Variants in SGMS1 observed in about 807,000 individuals in gnomAD.
SGMS1 encodes the protein phosphatidylcholine:ceramide cholinephosphotransferase 1.
Under a neutral mutation model 46.2 loss-of-function variants are expected in SGMS1, and 13 were observed. The observed-to-expected ratio is 0.28, with a 90% CI of 0.18 to 0.45. The LOEUF (loss-of-function observed/expected upper bound fraction) is 0.45, where lower values mean the gene tolerates loss of function less well. Among genes scored for constraint, SGMS1 ranks in the 20% least tolerant of loss-of-function variants. The pLI is 1.00. For missense variants in SGMS1, 324 were observed against 519.9 expected, an observed-to-expected ratio of 0.62 and a Z score of 3.66; for synonymous variants, 203 against 187.8, an observed-to-expected ratio of 1.08 and a Z score of -0.66.
chr10:50,484,405 A>G (rs1192831630), intron 3 of SGMS1, among the ~76,000 whole-genome samples: 7 of 152,328 alleles, frequency 4.6e-5, no homozygotes, highest in Non-Finnish European at 8.8e-5. Context: ...GCAATAATTA[A>G]TAGCCTAGCA....
intron 2 of SGMS1, among the ~76,000 whole-genome samples, chr10:50,541,811 C>T (rs1838055424): frequency 6.6e-6 from 1 of 152,142 alleles, no homozygotes; most frequent in Admixed American, 6.6e-5. Context: ...GGTTCATGCA[C>T]TTTTAAAAAA....
chr10:50,400,971 G>C (rs1276103782), intron 6 of SGMS1, among the ~76,000 whole-genome samples: 1 of 152,158 alleles, frequency 6.6e-6, no homozygotes, highest in East Asian at 1.9e-4. Flanking sequence ...ATGATAATTA[G>C]TGTGTGTGAC....
intron 6 of SGMS1, among the ~76,000 whole-genome samples, chr10:50,349,758 G>A (rs1847974508): frequency 6.6e-6 from 1 of 152,152 alleles, no homozygotes; most frequent in African/African-American, 2.4e-5. Context: ...CCACCACCAT[G>A]TAAGAAGTGC....
intron 8 of SGMS1, among the ~76,000 whole-genome samples, chr10:50,320,541 C>A (rs959257054): frequency 1.2e-4 from 19 of 152,108 alleles, no homozygotes; most frequent in African/African-American, 4.1e-4. Context: ...TCAAATAATG[C>A]CCCTGCTAAA....
chr10:50,359,266 T>C (rs1010731358), intron 6 of SGMS1, among the ~76,000 whole-genome samples: 6 of 152,226 alleles, frequency 3.9e-5, no homozygotes, highest in African/African-American at 9.7e-5. Context: ...ACTGTGTTTA[T>C]TCAATAATGT....
chr10:50,395,875 C>T (rs1233245683), intron 6 of SGMS1, among the ~76,000 whole-genome samples: 1 of 152,102 alleles, frequency 6.6e-6, no homozygotes, highest in African/African-American at 2.4e-5. Flanking sequence ...TCAGAGGACC[C>T]ATATTCAAAA....
At chr10:50,349,464 C>T (rs10740666) in intron 6 of SGMS1, among the ~76,000 whole-genome samples, 117,666 of 152,144 alleles carry the variant, frequency 0.77, 46,019 homozygotes, top group East Asian at 0.98. Flanking sequence ...CTTCCCTTCT[C>T]GACAAAGTCC....
At chr10:50,515,963 G>T (rs912008517) in intron 3 of SGMS1, among the ~76,000 whole-genome samples, 2 of 152,082 alleles carry the variant, frequency 1.3e-5, no homozygotes, top group African/African-American at 4.8e-5. Context: ...TGTTTTCAGT[G>T]CCTGTCTTTC....
intron 6 of SGMS1, among the ~76,000 whole-genome samples, chr10:50,374,700 T>A (rs1180025579): frequency 6.6e-6 from 1 of 152,094 alleles, no homozygotes; most frequent in African/African-American, 2.4e-5. Flanking sequence ...CTCTTAAGAA[T>A]CCTCACTCAT....
At position 50,312,337 on chromosome 10, in the gene SGMS1, TAAA is replaced by T. The variant is rs10591253; in HGVS notation, c.742-925_742-923del. ...GATACATCAGTGAAGTGTGAGAAAT[TAAA>T]AAAAAAAAAAAAAAAGAATGGCAGA... On this transcript the variant is annotated intron_variant, in intron 8 of 10. Coordinates refer to ENST00000361781, the MANE Select transcript of SGMS1 (RefSeq NM_147156.4). Among the ~76,000 whole-genome samples, 159 of 135,110 alleles carry T rather than the reference TAAA, an allele frequency of 1.2e-3. 1 individual carries two copies. Among genetic ancestry groups the T allele is most frequent in the Middle Eastern group, 3.8e-3 (1 of 264 alleles). The allele number at this position is 135,110 out of a possible 152,430, so 88.6% of individuals were successfully genotyped here.
intron 6 of SGMS1, among the ~76,000 whole-genome samples, chr10:50,406,704 C>CTTTT (rs11424535): frequency 4.8e-5 from 7 of 145,028 alleles, no homozygotes; most frequent in African/African-American, 2.6e-5. Flanking sequence ...AGCTATAATT[C>CTTTT]TTTTTTTTTT....
chr10:50,405,678 T>C (rs1319551050), intron 6 of SGMS1, among the ~76,000 whole-genome samples: 1 of 152,260 alleles, frequency 6.6e-6, no homozygotes, highest in Non-Finnish European at 1.5e-5. Context: ...GAATGTATTA[T>C]GAAATCTTTT....
chr10:50,509,478 C>T (rs1364077438), intron 3 of SGMS1, among the ~76,000 whole-genome samples: 1 of 152,146 alleles, frequency 6.6e-6, no homozygotes, highest in East Asian at 1.9e-4. Context: ...TATCACAGTG[C>T]ATTTGTTATG....
At chr10:50,427,127 A>G (rs975884230) in intron 6 of SGMS1, among the ~76,000 whole-genome samples, 1 of 152,336 alleles carries the variant, frequency 6.6e-6, no homozygotes, top group South Asian at 2.1e-4. Context: ...GGCCGGGCAC[A>G]GTGGCTCATG....
intron 1 of SGMS1, among the ~76,000 whole-genome samples, chr10:50,620,055 C>G (rs1308978452): frequency 2.6e-5 from 4 of 152,246 alleles, no homozygotes; most frequent in African/African-American, 7.2e-5. Context: ...CTGAGCCAAA[C>G]TTATTCATCA....
chr10:50,339,927 G>T (rs932332349), intron 7 of SGMS1, among the ~76,000 whole-genome samples: 2 of 152,182 alleles, frequency 1.3e-5, no homozygotes, highest in African/African-American at 4.8e-5. Context: ...AGGCTAAGGA[G>T]CTGGTTCTCC....
chr10:50,612,288 G>C (rs1588892749), intron 1 of SGMS1, among the ~76,000 whole-genome samples: 1 of 152,218 alleles, frequency 6.6e-6, no homozygotes, highest in Admixed American at 6.5e-5. Context: ...ACTTTTAGAA[G>C]ACTGAACATC....
chr10:50,368,032 A>T (rs987531018), intron 6 of SGMS1, among the ~76,000 whole-genome samples: 3 of 152,204 alleles, frequency 2.0e-5, no homozygotes, highest in African/African-American at 7.2e-5. Context: ...CTTCCAATAG[A>T]TGTCCTGGGA....
intron 2 of SGMS1, among the ~76,000 whole-genome samples, chr10:50,537,672 T>C (rs1361472442): frequency 6.6e-6 from 1 of 151,348 alleles, no homozygotes; most frequent in Non-Finnish European, 1.5e-5. Context: ...CTGTTTCTTT[T>C]TGTGAAACCA....
Sources: gnomAD v4.1 joint callset for allele counts (sites outside exome capture counted in the v4.1 genomes callset) on GRCh38, gnomAD v4.1.1 for gene constraint, MANE v1.5 for transcripts, NCBI Gene and HGNC (gene_info 2026-07-23, HGNC 2026-07-21) for gene names.